The following CFAP97D2 variants were observed in gnomAD, a reference collection of about 807,000 sequenced individuals.
CFAP97D2 encodes the protein uncharacterized protein CFAP97D2.
intron 3 of CFAP97D2, among the ~76,000 whole-genome samples, chr13:114,205,839 CAG>C (rs1594519517): frequency 6.6e-6 from 1 of 152,180 alleles, no homozygotes; most frequent in African/African-American, 2.4e-5. Flanking sequence ...ATTCCATAAA[CAG>C]GGGCTGGGCA....
chr13:114,199,747 G>T (rs141073783), intron 2 of CFAP97D2: 2,425 of 47,196 alleles, frequency 0.051, 1 homozygote, highest in Admixed American at 0.077. Context: ...GTCCCCGTGC[G>T]TACGGTCCCC....
At chr13:114,210,411 TTTGACCCTCATAAAATGTCAGTTTAG>T (rs2080961619) in intron 3 of CFAP97D2, among the ~76,000 whole-genome samples, 1 of 152,238 alleles carries the variant, frequency 6.6e-6, no homozygotes, top group South Asian at 2.1e-4. Flanking sequence ...ACCCACTGTA[TTTGACCCTCATAAAATGTCAGTTTAG>T]TTTGATCCGA....
At chr13:114,190,587 T>TATGTGCA (rs369595246) in intron 1 of CFAP97D2, among the ~76,000 whole-genome samples, 73 of 152,248 alleles carry the variant, frequency 4.8e-4, no homozygotes, top group African/African-American at 1.7e-3. Flanking sequence ...TTGAACAAAA[T>TATGTGCA]ATGTGCAAGA....
At chr13:114,188,331 T>C (rs1468274553) in intron 1 of CFAP97D2, among the ~76,000 whole-genome samples, 2 of 148,922 alleles carry the variant, frequency 1.3e-5, no homozygotes, top group Non-Finnish European at 3.0e-5. Context: ...CATTTAAAAA[T>C]ATTCTGAACT....
chr13:114,181,637 T>C (rs916755536), intron 1 of CFAP97D2, among the ~76,000 whole-genome samples: 1 of 152,210 alleles, frequency 6.6e-6, no homozygotes, highest in African/African-American at 2.4e-5. Context: ...TTCTCCCAAA[T>C]TAAGAGTGGA....
intron 3 of CFAP97D2, among the ~76,000 whole-genome samples, chr13:114,210,351 TG>T (rs1280015053): frequency 6.6e-6 from 1 of 152,242 alleles, no homozygotes; most frequent in East Asian, 1.9e-4. Flanking sequence ...TAATTTCATG[TG>T]GACTCTTCCA....
chr13:114,181,946 T>C (rs2080834009), intron 1 of CFAP97D2, among the ~76,000 whole-genome samples: 1 of 152,060 alleles, frequency 6.6e-6, no homozygotes. Flanking sequence ...CCTGTGGGTA[T>C]TTCTAGTCGG....
chr13:114,222,596 A>T (rs945615427), downstream of CFAP97D2: 1 of 398,494 alleles, frequency 2.5e-6, no homozygotes. This position sits in a 1 kb window ranked among gnomAD's most constrained non-coding sequence, Gnocchi z 4.4. Flanking sequence ...CAGAAAGAAG[A>T]CAAGTGTGAT....
At chr13:114,218,215 A>G (rs1195567120) in intron 4 of CFAP97D2, among the ~76,000 whole-genome samples, 1 of 152,250 alleles carries the variant, frequency 6.6e-6, no homozygotes, top group African/African-American at 2.4e-5. Flanking sequence ...AATCACAAGC[A>G]TTCTTATGCA....
At position 114,187,666 on chromosome 13, in the gene CFAP97D2, C is replaced by T. The variant is rs901992946; in HGVS notation, c.90+8246C>T. ...TATCACAATTGGAGACTTCAACACCCCCTGTCAGAAATGTGCAGATCCAAC... is the reference window on the plus strand; with the variant it reads ...TATCACAATTGGAGACTTCAACACCTCCTGTCAGAAATGTGCAGATCCAAC... On this transcript the variant is annotated intron_variant, in intron 1 of 4. Coordinates refer to ENST00000646158, the Ensembl canonical transcript of CFAP97D2. The surrounding 1 kb of genome is among the most constrained non-coding windows in gnomAD (Gnocchi z 4.2). Among the ~76,000 whole-genome samples the T allele has an allele frequency of 6.6e-6, 1 of 152,076 alleles. No homozygotes were observed. The highest frequency in any genetic ancestry group is 6.5e-5 in the Admixed American group (1 of 15,278).
At chr13:114,196,729 T>A (rs575777047) in intron 2 of CFAP97D2, among the ~76,000 whole-genome samples, 33 of 152,298 alleles carry the variant, frequency 2.2e-4, no homozygotes, top group Non-Finnish European at 3.4e-4. Flanking sequence ...ATTTAGAAGT[T>A]TATTTTGCCA....
At chr13:114,190,930 A>T (rs1461160008) in intron 1 of CFAP97D2, among the ~76,000 whole-genome samples, 2 of 152,218 alleles carry the variant, frequency 1.3e-5, no homozygotes, top group Non-Finnish European at 2.9e-5. Context: ...AGAATAGGCA[A>T]ATCATCAACT....
At chr13:114,221,601 A>G (rs1270360461) in intron 4 of CFAP97D2, among the ~76,000 whole-genome samples, 1 of 152,200 alleles carries the variant, frequency 6.6e-6, no homozygotes, top group Non-Finnish European at 1.5e-5. Context: ...TACAATAAGG[A>G]TGTGGAGAAA....
chr13:114,182,820 G>A (rs72614055), intron 1 of CFAP97D2, among the ~76,000 whole-genome samples: 1 of 152,172 alleles, frequency 6.6e-6, no homozygotes, highest in Non-Finnish European at 1.5e-5. Flanking sequence ...GCTACAAATT[G>A]ACAACATCTC....
chr13:114,182,364 A>G (rs934812388), intron 1 of CFAP97D2, among the ~76,000 whole-genome samples: 1 of 152,158 alleles, frequency 6.6e-6, no homozygotes, highest in African/African-American at 2.4e-5. Flanking sequence ...AATTGAACAA[A>G]TGTACAATCG....
rs2138777841 is a variant in CFAP97D2, at chr13:114,207,350, A to G, written c.291-4562A>G. ...GTGAAGCTTGATATTACATTGTAAT[A>G]TAGAATGAAGTAATTATACAACTCA... On this transcript the variant is annotated intron_variant, in intron 3 of 4. Transcript: ENST00000646158. This position sits in a 1 kb window ranked among gnomAD's most constrained non-coding sequence, Gnocchi z 4.9. Among the ~76,000 whole-genome samples the G allele has an allele frequency of 6.6e-6, 1 of 152,304 alleles. No homozygotes were observed. Among genetic ancestry groups the G allele is most frequent in the East Asian group, 1.9e-4 (1 of 5,188 alleles).
At position 114,196,216 on chromosome 13, in the gene CFAP97D2, G is replaced by A. The variant is rs528734157; in HGVS notation, c.91-180G>A. On this transcript the variant is annotated intron_variant, in intron 1 of 4. Coordinates refer to ENST00000646158, the Ensembl canonical transcript of CFAP97D2. ...GGGCAATAGAGGCTCATTTCTGAGGGTGCCTGGCTTCCTCCAGGGGATACT... is the reference window on the plus strand; with the variant it reads ...GGGCAATAGAGGCTCATTTCTGAGGATGCCTGGCTTCCTCCAGGGGATACT... Among the ~76,000 whole-genome samples, 5 of 152,206 alleles carry A rather than the reference G, an allele frequency of 3.3e-5. No individual in the cohort carries two copies. The South Asian group carries it at 8.3e-4, about 25-fold the overall frequency.
rs1439703129 is a variant in CFAP97D2, at chr13:114,222,494, C to A, written c.481-4C>A. On this transcript the variant is annotated splice_region_variant and splice_polypyrimidine_tract_variant and intron_variant, in intron 4 of 4. Transcript: ENST00000646158. This position sits in a 1 kb window ranked among gnomAD's most constrained non-coding sequence, Gnocchi z 4.4. ...TTAGTTTCAAATATGTATTTTAAAT[C>A]CAGCAGGAAGTGAAACTGGATTAGC... 2.5e-6 allele frequency: 1 copy of A among 398,436 alleles called. No individual in the cohort carries two copies. The highest frequency in any genetic ancestry group is 4.4e-6 in the Non-Finnish European group (1 of 226,078). 24.7% of individuals were successfully genotyped at this position (398,436 alleles called of 1,614,324 possible).
chr13:114,188,039 G>A (rs909277237), intron 1 of CFAP97D2, among the ~76,000 whole-genome samples: 2 of 152,064 alleles, frequency 1.3e-5, no homozygotes, highest in African/African-American at 4.8e-5. Context: ...AACAATTTGG[G>A]AGGCCAAGGC....
Sources: gnomAD v4.1 joint callset for allele counts (sites outside exome capture counted in the v4.1 genomes callset) on GRCh38, gnomAD v4.1.1 for gene constraint, Gnocchi (gnomAD v3.1) non-coding constraint, MANE v1.5 for transcripts, NCBI Gene and HGNC (gene_info 2026-07-23, HGNC 2026-07-21) for gene names.